The following DENND1A variants were observed in gnomAD, a reference collection of about 807,000 sequenced individuals.
DENND1A encodes the protein DENN domain-containing protein 1A.
DENND1A carries 51 observed loss-of-function variants against 113.7 expected under a neutral mutation model. That is an observed-to-expected ratio of 0.45 (90% CI 0.36 to 0.57). The LOEUF is 0.57. Among genes scored for constraint, DENND1A ranks in the 20% least tolerant of loss-of-function variants. The pLI is 0.00. For synonymous variants in DENND1A, 565 were observed against 570.8 expected (o/e 0.99, Z 0.14); for missense variants, 1,258 against 1,395.9 (o/e 0.90, Z 1.57).
intron 13 of DENND1A, among the ~76,000 whole-genome samples, chr9:123,516,301 C>T (rs1241089171): frequency 6.6e-6 from 1 of 151,658 alleles, no homozygotes; most frequent in African/African-American, 2.4e-5. Context: ...AATCCCAGTC[C>T]AGAAAGATGT....
intron 11 of DENND1A, among the ~76,000 whole-genome samples, chr9:123,589,517 C>T (rs2059352964): frequency 6.6e-6 from 1 of 151,474 alleles, no homozygotes; most frequent in Non-Finnish European, 1.5e-5. Flanking sequence ...TACTGCGGCA[C>T]ACCGAGACAG....
At chr9:123,383,255 C>T (rs2042375512) in intron 23 of DENND1A, among the ~76,000 whole-genome samples, 1 of 152,260 alleles carries the variant, frequency 6.6e-6, no homozygotes, top group Non-Finnish European at 1.5e-5. Context: ...GAATTACACA[C>T]TGATTTGCAT....
At chr9:123,577,459 T>C (rs2058690279) in intron 12 of DENND1A, among the ~76,000 whole-genome samples, 1 of 152,220 alleles carries the variant, frequency 6.6e-6, no homozygotes, top group Non-Finnish European at 1.5e-5. Flanking sequence ...CACTTCTGAG[T>C]CTGTTTCTAT....
In DENND1A at chr9:123,557,692, A is replaced by T; in HGVS notation, c.871T>A (p.Ser291Thr). Residue 291 changes from serine (S) to threonine (T), a missense_variant, in exon 13 of 24, where the codon TCT becomes ACT. Ser to Thr is a moderately conservative substitution (Grantham distance 58). Coordinates refer to ENST00000394215, the MANE Select transcript of DENND1A (RefSeq NM_001352964.2). ...DLQSLPNDVI[S>T]SLKNRLKKVS... ...TTTTTCAGCCTGTTCTTCAGGGAAG[A>T]GATCTGGTGATGGAGAGAAGGAAAA... The T allele has an allele frequency of 6.2e-7, 1 of 1,613,788 alleles. No individual in the cohort carries two copies. The highest frequency in any genetic ancestry group is 1.1e-5 in the South Asian group (1 of 90,968).
rs1217355655 is a variant in DENND1A, at chr9:123,382,448, G to A, written c.2197C>T (p.Arg733Ter). The A allele has an allele frequency of 6.2e-7, 1 of 1,612,062 alleles. No homozygotes were observed. The stretch of plus-strand genomic sequence containing the variant: ...ATGCTGTCCCGGTTCTGGGGCCTTC[G>A]AGGCAGGGCCAGGGAGTTTCCGAGC... The part of the protein sequence containing the change: ...ALLGNSLALP[R>*]RPQNRDSILN... The change falls in exon 24 of 24, where the codon CGA becomes TGA. Residue 733 changes from arginine to a stop codon, truncating the protein, a stop_gained. Coordinates refer to ENST00000394215, the MANE Select transcript of DENND1A (RefSeq NM_001352964.2). LOFTEE classifies it high-confidence loss of function.
intron 2 of DENND1A, among the ~76,000 whole-genome samples, chr9:123,849,433 A>G (rs1843038397): frequency 6.6e-6 from 1 of 152,218 alleles, no homozygotes; most frequent in Non-Finnish European, 1.5e-5. Context: ...GGTTTTTGCC[A>G]TTGAGTAATG....
At chr9:123,654,092 T>A (rs2139476679) in intron 8 of DENND1A, among the ~76,000 whole-genome samples, 1 of 151,746 alleles carries the variant, frequency 6.6e-6, no homozygotes, top group Non-Finnish European at 1.5e-5. Flanking sequence ...TCGGAAGGAG[T>A]CAACCAGTGT....
At chr9:123,863,883 G>A (rs925070021) in intron 2 of DENND1A, among the ~76,000 whole-genome samples, 6 of 151,368 alleles carry the variant, frequency 4.0e-5, no homozygotes. Context: ...CTGACTTTAG[G>A]TTCATAGTCT....
At chr9:123,891,194 A>C (rs1849848187) in intron 1 of DENND1A, among the ~76,000 whole-genome samples, 1 of 152,150 alleles carries the variant, frequency 6.6e-6, no homozygotes. Context: ...TGTCTCCCAG[A>C]AGCACTGAGC....
At chr9:123,457,689 G>T (rs2048232895) in intron 14 of DENND1A, 104 bp downstream of exon 14, 2 of 1,128,278 alleles carry the variant, frequency 1.8e-6, no homozygotes, top group Admixed American at 2.3e-5. Context: ...TTTGCCTGGG[G>T]CCTGAGTCCC....
In DENND1A at chr9:123,592,783, G is replaced by A. The variant is rs2059518684; in HGVS notation, c.766-9513C>T. ...GCCTCCTGAGCAGCTGGCACTCCAG[G>A]TGCATGCCACTGTGCCCAGCTTTAA... On this transcript the variant is annotated intron_variant, in intron 11 of 23. Coordinates refer to ENST00000394215, the MANE Select transcript of DENND1A (RefSeq NM_001352964.2). Among the ~76,000 whole-genome samples, 4 of 152,244 alleles carry A rather than the reference G, an allele frequency of 2.6e-5. No individual in the cohort carries two copies. The South Asian group carries it at 8.3e-4, about 32-fold the overall frequency.
At chr9:123,702,413 T>C (rs2065934984) in intron 5 of DENND1A, among the ~76,000 whole-genome samples, 1 of 152,068 alleles carries the variant, frequency 6.6e-6, no homozygotes, top group African/African-American at 2.4e-5. Flanking sequence ...GCAAAAAATA[T>C]ACCAAACCTA....
chr9:123,787,761 A>G (rs1832405489), intron 3 of DENND1A, among the ~76,000 whole-genome samples: 1 of 152,202 alleles, frequency 6.6e-6, no homozygotes, highest in African/African-American at 2.4e-5. Flanking sequence ...TCACATAGGC[A>G]ATATAAAACC....
In DENND1A at chr9:123,661,967, T is replaced by G. The variant is rs571912850; in HGVS notation, c.507+5059A>C. Among the ~76,000 whole-genome samples, 3 of 152,162 alleles carry G rather than the reference T, an allele frequency of 2.0e-5. No homozygotes were observed. In the South Asian group the frequency reaches 6.2e-4, roughly 32 times the overall value. On this transcript the variant is annotated intron_variant, in intron 8 of 23. Transcript: ENST00000394215. The stretch of plus-strand genomic sequence containing the variant: ...GAGAAAGAAAGAAAAATGAAGAATA[T>G]TTTTTCAAAGAAATAATGTAAGAAA...
At chr9:123,409,524 C>T (rs1365190620) in intron 20 of DENND1A, among the ~76,000 whole-genome samples, 2 of 151,030 alleles carry the variant, frequency 1.3e-5, no homozygotes, top group South Asian at 2.1e-4. Context: ...AAGCAGAAGA[C>T]GGAGGGTCCA....
chr9:123,548,286 C>A (rs2056832487), intron 13 of DENND1A, among the ~76,000 whole-genome samples: 1 of 152,200 alleles, frequency 6.6e-6, no homozygotes, highest in African/African-American at 2.4e-5. Context: ...TTACCAGCCC[C>A]TTCTGCAGTC....
chr9:123,707,685 G>A (rs2066317042), intron 5 of DENND1A, among the ~76,000 whole-genome samples: 1 of 152,190 alleles, frequency 6.6e-6, no homozygotes, highest in Non-Finnish European at 1.5e-5. Context: ...GGGGTGGTGG[G>A]AGTGGAAGCC....
intron 20 of DENND1A, among the ~76,000 whole-genome samples, chr9:123,407,290 A>C (rs901890957): frequency 2.0e-5 from 3 of 152,088 alleles, no homozygotes; most frequent in African/African-American, 7.2e-5. Flanking sequence ...CACACACCTG[A>C]CTAGTGTGGA....
At chr9:123,821,118 T>C (rs1015651126) in intron 2 of DENND1A, among the ~76,000 whole-genome samples, 1 of 152,246 alleles carries the variant, frequency 6.6e-6, no homozygotes, top group Non-Finnish European at 1.5e-5. Context: ...AATTCTTCCA[T>C]GAATATTGTT....
Sources: gnomAD v4.1 joint callset for allele counts (sites outside exome capture counted in the v4.1 genomes callset) on GRCh38, gnomAD v4.1.1 for gene constraint, MANE v1.5 for transcripts, NCBI Gene and HGNC (gene_info 2026-07-23, HGNC 2026-07-21) for gene names.